TMEM217: variants seen among roughly 807,000 people sequenced by gnomAD.
TMEM217 encodes the protein chromosome 6 open reading frame 128.
For synonymous variants in TMEM217, 76 were observed against 88.3 expected, an observed-to-expected ratio of 0.86 and a Z score of 0.78; for missense variants, 204 against 248.8, an observed-to-expected ratio of 0.82 and a Z score of 1.21.
At chr6:37,253,320 A>C (rs1765552317) in intron 1 of TMEM217, among the ~76,000 whole-genome samples, 1 of 152,194 alleles carries the variant, frequency 6.6e-6, no homozygotes, top group African/African-American at 2.4e-5. Flanking sequence ...CTTTGTACAC[A>C]GAGATTTCCC....
chr6:37,219,479 G>A (rs2113814625), intron 1 of TMEM217, among the ~76,000 whole-genome samples: 1 of 152,310 alleles, frequency 6.6e-6, no homozygotes, highest in East Asian at 1.9e-4. Context: ...AGTGGCTCAT[G>A]CCTGTAATCC....
chr6:37,215,597 A>T (rs576463157), downstream of TMEM217, among the ~76,000 whole-genome samples: 1 of 146,884 alleles, frequency 6.8e-6, no homozygotes, highest in Non-Finnish European at 1.5e-5. Context: ...AAAAAAAAAA[A>T]AAAAGAAAAG....
intron 1 of TMEM217, among the ~76,000 whole-genome samples, chr6:37,248,853 T>C (rs1583489880): frequency 6.6e-6 from 1 of 152,188 alleles, no homozygotes; most frequent in Admixed American, 6.5e-5. Context: ...CATAAAACAA[T>C]AGAAATTTGT....
chr6:37,240,875 AG>A (rs1470298702), intron 1 of TMEM217, among the ~76,000 whole-genome samples: 2 of 152,174 alleles, frequency 1.3e-5, no homozygotes, highest in Non-Finnish European at 2.9e-5. Flanking sequence ...TACTATTTTA[AG>A]ATTCTATTTT....
intron 1 of TMEM217, among the ~76,000 whole-genome samples, chr6:37,247,433 G>A (rs1342016141): frequency 6.7e-6 from 1 of 150,310 alleles, no homozygotes; most frequent in Non-Finnish European, 1.5e-5. Context: ...CTGTTGCCAG[G>A]CTGGAGTGCG....
At chr6:37,236,662 A>ATTT (rs66485671) in intron 1 of TMEM217, among the ~76,000 whole-genome samples, 5 of 149,772 alleles carry the variant, frequency 3.3e-5, no homozygotes, top group Admixed American at 1.3e-4. Flanking sequence ...TGCCAGTACT[A>ATTT]TTTTTTTTTT....
chr6:37,216,379 C>T (rs900505942), downstream of TMEM217, among the ~76,000 whole-genome samples: 4 of 152,014 alleles, frequency 2.6e-5, no homozygotes, highest in South Asian at 2.1e-4. Context: ...GCGCCTGGCC[C>T]GATTTGCATT....
intron 1 of TMEM217, among the ~76,000 whole-genome samples, chr6:37,231,738 A>T (rs1159445056): frequency 3.4e-5 from 5 of 147,210 alleles, no homozygotes; most frequent in African/African-American, 9.9e-5. Flanking sequence ...TTATATATAT[A>T]TTATATATAT....
At chr6:37,232,360 G>A (rs1476443095) in intron 1 of TMEM217, among the ~76,000 whole-genome samples, 2 of 152,108 alleles carry the variant, frequency 1.3e-5, no homozygotes, top group African/African-American at 2.4e-5. Flanking sequence ...AAGGCCCTAT[G>A]CAATAGTTTT....
chr6:37,241,339 G>A (rs1011594072), intron 1 of TMEM217, among the ~76,000 whole-genome samples: 1 of 152,064 alleles, frequency 6.6e-6, no homozygotes, highest in African/African-American at 2.4e-5. Flanking sequence ...TGTCTACGTG[G>A]TGGGGAATAT....
At chr6:37,222,662 C>T (rs896521861) in intron 1 of TMEM217, among the ~76,000 whole-genome samples, 4 of 152,248 alleles carry the variant, frequency 2.6e-5, no homozygotes, top group Admixed American at 6.5e-5. Flanking sequence ...CCTCCAAGAG[C>T]ACAGGGAGGC....
intron 1 of TMEM217, among the ~76,000 whole-genome samples, chr6:37,225,795 C>T (rs980610049): frequency 6.6e-6 from 1 of 152,232 alleles, no homozygotes; most frequent in African/African-American, 2.4e-5. Flanking sequence ...TGTGTGGCCC[C>T]ATGACCAACG....
Position 37,229,342 on chromosome 6 carries a change from T to TTTTG in TMEM217, c.-11-10302_-11-10301insCAAA, listed in dbSNP as rs1554170970. On this transcript the variant is annotated intron_variant, in intron 1 of 1. Coordinates refer to ENST00000357219, the Ensembl canonical transcript of TMEM217. ...TCTCCCTAGCAACTTTCAGTTTTTT[T>TTTTG]TTTTTTTTTTTTTTTTTTGAGACAG... is the stretch of plus-strand genomic sequence containing the variant. 4.3e-4 allele frequency among the ~76,000 whole-genome samples: 54 copies of TTTTG among 125,810 alleles called. 1 individual carries two copies. Among genetic ancestry groups the TTTTG allele is most frequent in the South Asian group, 1.4e-3 (5 of 3,462 alleles). 82.5% of individuals were successfully genotyped at this position (125,810 alleles called of 152,430 possible).
intron 1 of TMEM217, among the ~76,000 whole-genome samples, chr6:37,241,153 T>C (rs1488081887): frequency 1.3e-5 from 2 of 150,318 alleles, no homozygotes; most frequent in African/African-American, 2.5e-5. Flanking sequence ...GGCTGGAGTG[T>C]AGTGGCACAA....
intron 1 of TMEM217, among the ~76,000 whole-genome samples, chr6:37,241,232 A>T (rs1215019629): frequency 1.3e-5 from 2 of 151,226 alleles, no homozygotes; most frequent in African/African-American, 4.9e-5. Flanking sequence ...CAGCTGCGTG[A>T]CACCATACCT....
At chr6:37,246,431 C>T (rs1490089295) in intron 1 of TMEM217, among the ~76,000 whole-genome samples, 1 of 152,142 alleles carries the variant, frequency 6.6e-6, no homozygotes, top group Non-Finnish European at 1.5e-5. Context: ...TTGAGGCAAA[C>T]TGTTACTTTT....
At chr6:37,222,649 C>T (rs1763595294) in intron 1 of TMEM217, among the ~76,000 whole-genome samples, 1 of 152,234 alleles carries the variant, frequency 6.6e-6, no homozygotes, top group Non-Finnish European at 1.5e-5. Flanking sequence ...TATTCCCGGC[C>T]CTCCTCCAAG....
intron 1 of TMEM217, among the ~76,000 whole-genome samples, chr6:37,220,121 A>G (rs192751415): frequency 7.9e-5 from 12 of 152,328 alleles, no homozygotes; most frequent in Admixed American, 7.8e-4. Context: ...CGCGTAAGTC[A>G]ATGAAACAGG....
chr6:37,212,945 T>C, downstream of TMEM217: 1 of 1,550,160 alleles, frequency 6.5e-7, no homozygotes, highest in South Asian at 1.2e-5. Flanking sequence ...ATGCCCACCA[T>C]GAGGGAGAAC....
Sources: allele counts gnomAD v4.1 joint callset (sites outside exome capture counted in the v4.1 genomes callset), GRCh38; gene constraint gnomAD v4.1.1; transcripts MANE v1.5; gene names NCBI Gene and HGNC (gene_info 2026-07-23, HGNC 2026-07-21).